Variants in COPE observed in about 807,000 individuals in gnomAD.
COPE encodes coat protein complex I subunit epsilon.
A neutral mutation model predicts 42.1 loss-of-function variants in COPE; 19 were observed. The observed-to-expected ratio is 0.45, with a 90% confidence interval of 0.31 to 0.66. The LOEUF (loss-of-function observed/expected upper bound fraction) is 0.66, where lower values mean the gene tolerates loss of function less well. Among genes scored for constraint, COPE ranks in the 30% least tolerant of loss-of-function variants. The probability of loss-of-function intolerance (pLI) is 0.05; values close to 1 mark genes in which losing one functional copy is unlikely to be tolerated. For missense variants in COPE, 402 were observed against 416.1 expected (o/e 0.97, Z 0.30); for synonymous variants, 195 against 181.3 (o/e 1.08, Z -0.60).
intron 1 of COPE, among the ~76,000 whole-genome samples, chr19:18,916,586 C>G (rs746353722): frequency 4.0e-5 from 6 of 151,798 alleles, no homozygotes; most frequent in Non-Finnish European, 4.4e-5. Flanking sequence ...TCAGGAGTTA[C>G]AGACGAGCCT....
intron 1 of COPE, 31 bp from the exon 2 acceptor site, chr19:18,913,077 A>G: frequency 6.3e-7 from 1 of 1,595,382 alleles, no homozygotes; most frequent in Middle Eastern, 1.7e-4. Flanking sequence ...CAGGACGCAC[A>G]GTGGGAGGCC....
chr19:18,899,988 A>G, intron 8 of COPE, 41 bp from the exon 9 acceptor site: 2 of 1,579,024 alleles, frequency 1.3e-6, no homozygotes, highest in Non-Finnish European at 1.7e-6. Flanking sequence ...GAACACGGGG[A>G]CCCCACGGTG....
At chr19:18,901,529 G>A (rs1044345199) in intron 7 of COPE, among the ~76,000 whole-genome samples, 3 of 152,202 alleles carry the variant, frequency 2.0e-5, no homozygotes, top group Non-Finnish European at 4.4e-5. Context: ...GGGCCAGCCT[G>A]ATACCCCTTG....
At chr19:18,900,581 C>T (rs1289984194) in intron 7 of COPE, 132 bp from the exon 8 acceptor site, 19 of 642,514 alleles carry the variant, frequency 3.0e-5, no homozygotes, top group African/African-American at 1.3e-4. Flanking sequence ...CACCGCCCAC[C>T]GCTCTGCAAG....
At chr19:18,903,952 G>A (rs62138065) in intron 6 of COPE, among the ~76,000 whole-genome samples, 45,942 of 152,194 alleles carry the variant, frequency 0.3, 8,766 homozygotes, top group Admixed American at 0.47. Flanking sequence ...GCCCCGTGGC[G>A]GGCAGGGACG....
At chr19:18,913,446 C>A (rs562133254) in intron 1 of COPE, among the ~76,000 whole-genome samples, 219 of 152,356 alleles carry the variant, frequency 1.4e-3, no homozygotes, top group Non-Finnish European at 2.0e-3. Flanking sequence ...CTGTGCCCAG[C>A]CCTGGCCAGG....
At chr19:18,908,228 A>C (rs1254104799) in intron 3 of COPE, among the ~76,000 whole-genome samples, 1 of 152,146 alleles carries the variant, frequency 6.6e-6, no homozygotes, top group Non-Finnish European at 1.5e-5. Flanking sequence ...CAGGAGTTCA[A>C]GACCACCCTG....
In COPE at chr19:18,905,605, C is replaced by G; in HGVS notation, c.468G>C (p.Leu156=). ...CGAGGTCCAGGCGGTCCAGCTTCAG[C>G]AGGATCTGCACTGTCATGGCTGTGC... is the stretch of plus-strand genomic sequence containing the variant. ...LECTAMTVQI[L]LKLDRLDLAR... is the part of the protein sequence containing the mutation. The change falls in exon 5 of 10, where the codon CTG becomes CTC. Residue 156 remains leucine (L), a synonymous_variant. Transcript: ENST00000262812. The G allele has an allele frequency of 6.3e-7, 1 of 1,593,442 alleles. No individual in the cohort carries two copies. The highest frequency in any genetic ancestry group is 8.5e-7 in the Non-Finnish European group (1 of 1,177,580).
chr19:18,903,892 T>A (rs1346223073), intron 6 of COPE, among the ~76,000 whole-genome samples: 3 of 152,366 alleles, frequency 2.0e-5, no homozygotes, highest in Admixed American at 1.3e-4. Flanking sequence ...TGCCGGGGCC[T>A]GTCCTACCAT....
chr19:18,918,187 CAAA>C (rs771893763), intron 1 of COPE, among the ~76,000 whole-genome samples: 1 of 50,226 alleles, frequency 2.0e-5, no homozygotes. Context: ...GTCTCCATCT[CAAA>C]AAAAAAAAAA....
chr19:18,911,654 C>T (rs939866599), intron 2 of COPE, among the ~76,000 whole-genome samples: 1 of 151,498 alleles, frequency 6.6e-6, no homozygotes, highest in Non-Finnish European at 1.5e-5. Flanking sequence ...CAGGTTCACA[C>T]CATTCTCCTG....
chr19:18,907,486 G>A (rs1271259393), intron 3 of COPE, among the ~76,000 whole-genome samples: 1 of 152,192 alleles, frequency 6.6e-6, no homozygotes, highest in African/African-American at 2.4e-5. Context: ...CTAGCAGGAG[G>A]TCGGCCTGGG....
intron 8 of COPE, 133 bp from the exon 9 acceptor site, chr19:18,900,080 C>T: frequency 1.4e-6 from 1 of 714,194 alleles, no homozygotes; most frequent in Non-Finnish European, 2.3e-6. Context: ...TGGGACTGGG[C>T]TGATCTCGGA....
chr19:18,904,887 G>C (rs773951287), intron 5 of COPE, 35 bp from the exon 6 acceptor site: 1 of 1,544,644 alleles, frequency 6.5e-7, no homozygotes, highest in South Asian at 1.2e-5. Flanking sequence ...GGGCTGAGTG[G>C]CCGAGGGCCC....
chr19:18,910,366 G>A (rs117451868), intron 3 of COPE, among the ~76,000 whole-genome samples: 4 of 152,172 alleles, frequency 2.6e-5, no homozygotes, highest in African/African-American at 4.8e-5. Flanking sequence ...TGGGCAGACC[G>A]CCTGAGCTCA....
chr19:18,919,226 C>T lies in COPE; in HGVS notation c.123G>A (p.Val41=), dbSNP rs1188107419. ...YQQCINEAQR[V]KLSSPERDVE... Reference sequence around the variant, plus strand: ...CCGCGCCCCTGCGCGGCCGCACCTTCACCCGCTGCGCCTCGTTTATGCACT... The same window carrying T: ...CCGCGCCCCTGCGCGGCCGCACCTTTACCCGCTGCGCCTCGTTTATGCACT... Residue 41 remains valine, a synonymous_variant, in exon 1 of 10, where the codon GTG becomes GTA. Coordinates refer to ENST00000262812, the MANE Select transcript of COPE (RefSeq NM_007263.4). 2 of 1,611,544 alleles carry T rather than the reference C, an allele frequency of 1.2e-6. No homozygotes were observed. Among genetic ancestry groups the T allele is most frequent in the Admixed American group, 1.7e-5 (1 of 59,942 alleles).
intron 1 of COPE, among the ~76,000 whole-genome samples, chr19:18,916,801 C>T (rs1156840425): frequency 7.2e-6 from 1 of 139,344 alleles, no homozygotes; most frequent in Non-Finnish European, 1.6e-5. Context: ...AACAAAAAAA[C>T]AAAAAAAAAA....
rs1180744057 is a variant in COPE at position 18,899,712 on chromosome 19, G to A, written c.894C>T (p.Asp298=). ...KEYQAKENDF[D]RLVLQYAPSA is the part of the protein sequence containing the mutation. ...TGGGAGCGTACTGTAGCACCAGCCT[G>A]TCAAAGTCGTTCTCCTTTAGCAAGA... Residue 298 remains aspartate (D), a synonymous_variant, in exon 10 of 10, where the codon GAC becomes GAT. Transcript: ENST00000262812. 6.2e-7 allele frequency: 1 copy of A among 1,613,684 alleles called. No homozygotes were observed. The highest frequency in any genetic ancestry group is 1.7e-5 in the Admixed American group (1 of 59,994).
chr19:18,901,027 C>T (rs921091622), intron 7 of COPE, among the ~76,000 whole-genome samples: 3 of 152,194 alleles, frequency 2.0e-5, no homozygotes, highest in Non-Finnish European at 2.9e-5. Flanking sequence ...TTTTGCAGAC[C>T]GGACTTTTCT....
Sources: gnomAD v4.1 joint callset for allele counts (sites outside exome capture counted in the v4.1 genomes callset) on GRCh38, gnomAD v4.1.1 for gene constraint, MANE v1.5 for transcripts, NCBI Gene and HGNC (gene_info 2026-07-23, HGNC 2026-07-21) for gene names.